The following TFIP11 variants were observed in gnomAD, a reference collection of about 807,000 sequenced individuals.
TFIP11 encodes tuftelin interacting protein 11, also known as tuftelin-interacting protein 11.
In TFIP11, 86 loss-of-function variants were observed where a neutral mutation model predicts 96.8. The observed-to-expected ratio is 0.89, with a 90% CI of 0.75 to 1.06. The LOEUF (loss-of-function observed/expected upper bound fraction) is 1.06, where lower values mean the gene tolerates loss of function less well. Among genes scored for constraint, TFIP11 ranks in the 50% least tolerant of loss-of-function variants. TFIP11 has a pLI of 0.00. For missense variants in TFIP11, 881 were observed against 1,076.7 expected, an observed-to-expected ratio of 0.82 and a Z score of 2.54; for synonymous variants, 405 against 395.2, an observed-to-expected ratio of 1.02 and a Z score of -0.29.
rs749146719 is a variant in TFIP11, at chr22:26,494,908, G to A, written c.1881C>T (p.Pro627=). 5 of 1,614,084 alleles carry A rather than the reference G, an allele frequency of 3.1e-6. No individual in the cohort carries two copies. The African/African-American group carries it at 4.0e-5, about 13-fold the overall frequency. ...AGAATGCATCCATGTGCTGCTGGTG[G>A]GGGTTAATGACTAGCTCACCAAGAC... The part of the protein sequence containing the change: ...GMCLGELVIN[P]HQQHMDAFYW... Residue 627 remains proline (P), a synonymous_variant, in exon 13 of 15, where the codon CCC becomes CCT. Coordinates refer to ENST00000407690, the MANE Select transcript of TFIP11 (RefSeq NM_012143.4).
At chr22:26,499,019 C>T (rs2187956) in intron 9 of TFIP11, 44 bp from the exon 10 acceptor site, 1,388,612 of 1,611,490 alleles carry the variant, frequency 0.86, 601,579 homozygotes, top group South Asian at 0.9. Flanking sequence ...GGCTCTCCAG[C>T]CCTCCCTGCC....
At chr22:26,510,361 TTGC>T (rs1491000881) in intron 3 of TFIP11, 80 bp from the exon 4 acceptor site, 5 of 1,327,262 alleles carry the variant, frequency 3.8e-6, no homozygotes, top group Non-Finnish European at 4.3e-6. Context: ...TCTCTATTCC[TTGC>T]TGCTTTCAGA....
At chr22:26,507,108 C>T (rs1923513589) in intron 4 of TFIP11, among the ~76,000 whole-genome samples, 180 bp from the exon 5 acceptor site, 1 of 152,168 alleles carries the variant, frequency 6.6e-6, no homozygotes, top group African/African-American at 2.4e-5. Flanking sequence ...ATTTGGCTTC[C>T]TGTAGTCACA....
Position 26,505,402 on chromosome 22 carries a change from G to A in TFIP11, c.520+901C>T, listed in dbSNP as rs774793580. Among the ~76,000 whole-genome samples, 7 of 152,288 alleles carry A rather than the reference G, an allele frequency of 4.6e-5. No individual in the cohort carries two copies. In the East Asian group the frequency reaches 1.4e-3, roughly 29 times the overall value. On this transcript the variant is annotated intron_variant, in intron 6 of 14. Transcript: ENST00000407690. ...TCTAGCTATTACAAAAACTATGCAC[G>A]ATGTTTTACTGATATTCCTGAAGGA...
intron 6 of TFIP11, among the ~76,000 whole-genome samples, chr22:26,504,360 T>G (rs1923159245): frequency 6.6e-6 from 1 of 152,150 alleles, no homozygotes; most frequent in South Asian, 2.1e-4. Context: ...TTCCCCTGAC[T>G]CCAAATTTTC....
rs754329398 is a variant in TFIP11, at chr22:26,496,327, GGGA to G, written c.1606-14_1606-12del. 6.3e-7 allele frequency: 1 copy of G among 1,585,564 alleles called. No individual in the cohort carries two copies. Among genetic ancestry groups the G allele is most frequent in the South Asian group, 1.1e-5 (1 of 87,700 alleles). ...GTTCCAGTTTTCCACCTGCGAAGTG[GGGA>G]GGAGAAACAGTTCATGTCGCCTGTG... On this transcript the variant is annotated splice_polypyrimidine_tract_variant and intron_variant, in intron 11 of 14. Transcript: ENST00000407690.
At chr22:26,502,755 G>T (rs1922947465) in intron 7 of TFIP11, among the ~76,000 whole-genome samples, 1 of 152,124 alleles carries the variant, frequency 6.6e-6, no homozygotes, top group Admixed American at 6.5e-5. Flanking sequence ...AGGCAATACT[G>T]AGCCCACATC....
In TFIP11 at chr22:26,496,215, G is replaced by C. The variant is rs761069110; in HGVS notation, c.1707C>G (p.Pro569=). ...GGGCGCTGGACAGCTTACTACGGATGGGGGAATAGAGTGGCTCCAGCCGTG... is the reference window on the plus strand; with the variant it reads ...GGGCGCTGGACAGCTTACTACGGATCGGGGAATAGAGTGGCTCCAGCCGTG... ...MQARLEPLYS[P]IRSKLSSALQ... Residue 569 remains proline, a synonymous_variant, in exon 12 of 15, where the codon CCC becomes CCG. Transcript: ENST00000407690. 1.9e-6 allele frequency: 3 copies of C among 1,613,830 alleles called. No homozygotes were observed. The highest frequency in any genetic ancestry group is 1.7e-4 in the Middle Eastern group (1 of 5,996).
chr22:26,501,102 CG>C (rs1922732546), intron 8 of TFIP11, among the ~76,000 whole-genome samples: 1 of 152,036 alleles, frequency 6.6e-6, no homozygotes, highest in South Asian at 2.1e-4. Flanking sequence ...AGGACGGTCT[CG>C]ATCTCCTGAC....
At chr22:26,500,878 C>CTT (rs397958538) in intron 8 of TFIP11, among the ~76,000 whole-genome samples, 3,360 of 101,932 alleles carry the variant, frequency 0.033, 23 homozygotes, top group Non-Finnish European at 0.038. Context: ...TAACGGAAAA[C>CTT]TTTTTTTTTT....
At chr22:26,501,748 A>G in intron 8 of TFIP11, 152 bp downstream of exon 8, 2 of 592,928 alleles carry the variant, frequency 3.4e-6, no homozygotes, top group Non-Finnish European at 2.8e-6. Context: ...GTTCCTATTC[A>G]TTACACTCCT....
chr22:26,497,640 G>A (rs1459402021), intron 10 of TFIP11, among the ~76,000 whole-genome samples: 1 of 152,218 alleles, frequency 6.6e-6, no homozygotes, highest in Admixed American at 6.5e-5. Flanking sequence ...CACTCTGGGA[G>A]GCCAAGGCAG....
In TFIP11 at chr22:26,491,545, T is replaced by C. The variant is rs764459030; in HGVS notation, c.*468A>G. 1.2e-6 allele frequency: 2 copies of C among 1,614,020 alleles called. No homozygotes were observed. The highest frequency in any genetic ancestry group is 1.7e-6 in the Non-Finnish European group (2 of 1,179,996). On this transcript the variant is annotated 3_prime_UTR_variant, in exon 15 of 15. Coordinates refer to ENST00000407690, the MANE Select transcript of TFIP11 (RefSeq NM_012143.4). ...TTTAATGATACCTCTGTCCACTGGT[T>C]CCCTGTGCAAAAGCTAGAACAGCTC... is the stretch of plus-strand genomic sequence containing the variant.
At chr22:26,499,753 G>T in intron 8 of TFIP11, 122 bp from the exon 9 acceptor site, 1 of 1,045,924 alleles carries the variant, frequency 9.6e-7, no homozygotes. Flanking sequence ...CAACAGAGCT[G>T]GAGAAGGGCA....
chr22:26,510,816 A>T (rs1923963821), intron 2 of TFIP11, 114 bp from the exon 3 acceptor site: 1 of 155,370 alleles, frequency 6.4e-6, no homozygotes, highest in Non-Finnish European at 1.4e-5. Context: ...GAAAGACTGT[A>T]GTAATTATGA....
intron 8 of TFIP11, among the ~76,000 whole-genome samples, chr22:26,501,242 TAAAA>T (rs926523302): frequency 3.9e-5 from 6 of 152,036 alleles, no homozygotes; most frequent in African/African-American, 1.2e-4. Flanking sequence ...TAATCTATCT[TAAAA>T]AAAGAAAATA....
Position 26,491,255 on chromosome 22 carries a change from T to C in TFIP11, c.*758A>G, listed in dbSNP as rs1254802657. The C allele has an allele frequency of 4.0e-6, 3 of 744,506 alleles. No individual in the cohort carries two copies. The highest frequency in any genetic ancestry group is 2.5e-4 in the Middle Eastern group (1 of 4,016). The allele number at this position is 744,506 out of a possible 1,614,324, so 46.1% of individuals were successfully genotyped here. A position where few individuals can be genotyped will look rare whatever the true frequency, so the allele number is the denominator to read the frequency against. On this transcript the variant is annotated 3_prime_UTR_variant, in exon 15 of 15. Transcript: ENST00000407690. ...AATGCATCTCTTAGTTTTTTCCTTATTTCCTTTATTCTTAGTATCACAGTC... is the reference window on the plus strand; with the variant it reads ...AATGCATCTCTTAGTTTTTTCCTTACTTCCTTTATTCTTAGTATCACAGTC...
At chr22:26,511,199 G>T (rs867221422) in intron 2 of TFIP11, 4 of 152,426 alleles carry the variant, frequency 2.6e-5, no homozygotes, top group South Asian at 2.0e-4. Flanking sequence ...TGAAGAACTT[G>T]AAGTCCAATG....
At chr22:26,502,994 G>C (rs752087669) in intron 7 of TFIP11, among the ~76,000 whole-genome samples, 1 of 152,180 alleles carries the variant, frequency 6.6e-6, no homozygotes. Flanking sequence ...GTGACATGAA[G>C]AGTAACATGT....
Sources: allele counts gnomAD v4.1 joint callset (sites outside exome capture counted in the v4.1 genomes callset), GRCh38; gene constraint gnomAD v4.1.1; transcripts MANE v1.5; gene names NCBI Gene and HGNC (gene_info 2026-07-23, HGNC 2026-07-21).